MAP3K5: variants seen among roughly 807,000 people sequenced by gnomAD.
MAP3K5 encodes the protein ASK-1.
A neutral mutation model predicts 158.7 loss-of-function variants in MAP3K5; 56 were observed. That is an observed-to-expected ratio of 0.35 (90% confidence interval 0.28 to 0.44). The LOEUF is 0.44. MAP3K5 is among the 20% of genes least tolerant of loss of function. The probability of loss-of-function intolerance (pLI) is 1.00; values close to 1 mark genes in which losing one functional copy is unlikely to be tolerated. For synonymous variants in MAP3K5, 579 were observed against 601.7 expected, an observed-to-expected ratio of 0.96 and a Z score of 0.55; for missense variants, 1,294 against 1,674.8, an observed-to-expected ratio of 0.77 and a Z score of 3.97.
chr6:136,664,292 G>T (rs954627839), intron 8 of MAP3K5, among the ~76,000 whole-genome samples: 12 of 152,158 alleles, frequency 7.9e-5, no homozygotes, highest in African/African-American at 2.6e-4. Flanking sequence ...CATCCCCCCA[G>T]ATGGGACCAT....
At chr6:136,749,947 T>A (rs570224470) in intron 1 of MAP3K5, among the ~76,000 whole-genome samples, 88 of 152,216 alleles carry the variant, frequency 5.8e-4, no homozygotes, top group African/African-American at 2.0e-3. Flanking sequence ...AAATTCCTCC[T>A]CCTCCAACAT....
chr6:136,663,570 T>C (rs1390788483), intron 8 of MAP3K5, among the ~76,000 whole-genome samples: 1 of 151,950 alleles, frequency 6.6e-6, no homozygotes, highest in East Asian at 1.9e-4. Context: ...CAAGGAACAT[T>C]AATTGCATTT....
Position 136,567,652 on chromosome 6 carries a change from C to A in MAP3K5, c.3740G>T (p.Arg1247Met), listed in dbSNP as rs1355362957. 1 of 1,614,116 alleles carries A rather than the reference C, an allele frequency of 6.2e-7. No individual in the cohort carries two copies. Among genetic ancestry groups the A allele is most frequent in the South Asian group, 1.1e-5 (1 of 91,072 alleles). The change falls in exon 26 of 30, where the codon AGG becomes ATG. Residue 1247 changes from arginine (R) to methionine (M), a missense_variant. Physicochemically the swap from Arg to Met is moderately conservative, Grantham distance 91. This residue lies in a region of MAP3K5 where 199 missense variants were observed against 220.3 expected (regional missense o/e 0.90). Transcript: ENST00000359015. ...TTACCTATTGGTTTCTATTTTCATC[C>A]TTCCAAGCTGTACATTCAGTGACCG... ...AHRSLNVQLG[R>M]MKIETNRLLE...
intron 7 of MAP3K5, among the ~76,000 whole-genome samples, chr6:136,683,270 A>G (rs1780010578): frequency 6.6e-6 from 1 of 152,252 alleles, no homozygotes; most frequent in South Asian, 2.1e-4. Context: ...AGAAGCATGA[A>G]GGCATAAAGA....
rs1303117637 is a variant in MAP3K5 at position 136,614,297 on chromosome 6, T to C, written c.2151-11A>G. ...AGGGGCTGAGAGTATCTAAAAGACATGCAATTGTCAATGAGTTAATTATGT... is the reference window on the plus strand; with the variant it reads ...AGGGGCTGAGAGTATCTAAAAGACACGCAATTGTCAATGAGTTAATTATGT... On this transcript the variant is annotated splice_polypyrimidine_tract_variant and intron_variant, in intron 15 of 29. Transcript: ENST00000359015. The C allele has an allele frequency of 2.5e-6, 4 of 1,610,522 alleles. No homozygotes were observed. The highest frequency in any genetic ancestry group is 3.4e-5 in the Admixed American group (2 of 59,526).
In MAP3K5 at chr6:136,613,330, G is replaced by GTAATT; in HGVS notation, c.2279-79_2279-75dup. ...TTTAAAGTGTATTAATAATGTAACA[G>GTAATT]TAATTTAAGCTAACAGTCATTGGTT... is the stretch of plus-strand genomic sequence containing the variant. On this transcript the variant is annotated intron_variant, in intron 16 of 29. Transcript: ENST00000359015. The surrounding 1 kb of genome is among the most constrained non-coding windows in gnomAD (Gnocchi z 4.0). The GTAATT allele has an allele frequency of 7.4e-7, 1 of 1,343,600 alleles. No individual in the cohort carries two copies. The highest frequency in any genetic ancestry group is 1.4e-5 in the South Asian group (1 of 70,788). 83.2% of individuals were successfully genotyped at this position (1,343,600 alleles called of 1,614,324 possible).
chr6:136,648,715 C>T (rs1997703), intron 11 of MAP3K5, among the ~76,000 whole-genome samples: 39,589 of 152,016 alleles, frequency 0.26, 6,317 homozygotes, highest in African/African-American at 0.44. Flanking sequence ...ACTATAGCAC[C>T]GGGACTGGTG....
chr6:136,628,351 G>C (rs1244188949), intron 14 of MAP3K5, among the ~76,000 whole-genome samples: 1 of 151,794 alleles, frequency 6.6e-6, no homozygotes, highest in East Asian at 1.9e-4. Context: ...GGCCTCAACT[G>C]ATCCTGCTGC....
At position 136,596,144 on chromosome 6, in the gene MAP3K5, C is replaced by T. The variant is rs77247018; in HGVS notation, c.2879-3530G>A. Among the ~76,000 whole-genome samples, 354 of 152,196 alleles carry T rather than the reference C, an allele frequency of 2.3e-3. 1 individual carries two copies. The highest frequency in any genetic ancestry group is 7.9e-3 in the African/African-American group (330 of 41,510). ...GAAAGATAAAAAGACAGCATAGACC[C>T]GGCCCTTAAGAATGCCAATATTTAG... On this transcript the variant is annotated intron_variant, in intron 21 of 29. Transcript: ENST00000359015.
intron 3 of MAP3K5, among the ~76,000 whole-genome samples, chr6:136,704,178 C>A (rs1432123917): frequency 6.6e-6 from 1 of 152,140 alleles, no homozygotes; most frequent in East Asian, 1.9e-4. Flanking sequence ...TCAATCTCTT[C>A]AAGTAGAAAA....
intron 1 of MAP3K5, among the ~76,000 whole-genome samples, chr6:136,778,006 A>G (rs892104700): frequency 6.6e-6 from 1 of 152,256 alleles, no homozygotes; most frequent in African/African-American, 2.4e-5. Flanking sequence ...AAAGATTAAT[A>G]CAAAGGACTT....
chr6:136,602,412 T>G (rs1775918123), intron 19 of MAP3K5, among the ~76,000 whole-genome samples: 1 of 152,086 alleles, frequency 6.6e-6, no homozygotes, highest in African/African-American at 2.4e-5. Flanking sequence ...AAGCGAGTCT[T>G]TCACCTCAGC....
intron 18 of MAP3K5, among the ~76,000 whole-genome samples, chr6:136,610,623 T>C (rs1404184478): frequency 2.8e-5 from 4 of 140,694 alleles, no homozygotes; most frequent in African/African-American, 5.3e-5. Context: ...AAAATCTTGC[T>C]AGAGTTATTG....
intron 17 of MAP3K5, among the ~76,000 whole-genome samples, chr6:136,612,807 G>A (rs1317844970): frequency 6.6e-6 from 1 of 152,112 alleles, no homozygotes; most frequent in Non-Finnish European, 1.5e-5. Context: ...AGCTCCTCAG[G>A]ACCAGGGGCC....
Position 136,669,404 on chromosome 6 carries a change from A to C in MAP3K5, c.1254-9T>G. On this transcript the variant is annotated splice_polypyrimidine_tract_variant and intron_variant, in intron 7 of 29. Coordinates refer to ENST00000359015, the MANE Select transcript of MAP3K5 (RefSeq NM_005923.4). Reference sequence around the variant, plus strand: ...CAAATGCCTTTTTGAACCTATAAAAAACCACAAATGTACAAGTTAACTTTC... The same window carrying C: ...CAAATGCCTTTTTGAACCTATAAAACACCACAAATGTACAAGTTAACTTTC... 6.7e-7 allele frequency: 1 copy of C among 1,496,082 alleles called. No homozygotes were observed. Among genetic ancestry groups the C allele is most frequent in the Non-Finnish European group, 9.3e-7 (1 of 1,074,076 alleles). 92.7% of individuals were successfully genotyped at this position (1,496,082 alleles called of 1,614,324 possible).
chr6:136,757,443 A>C (rs1783541906), intron 1 of MAP3K5, among the ~76,000 whole-genome samples: 1 of 152,226 alleles, frequency 6.6e-6, no homozygotes, highest in Admixed American at 6.5e-5. Flanking sequence ...CTGTCTAGTC[A>C]GATAGCATCA....
intron 23 of MAP3K5, among the ~76,000 whole-genome samples, chr6:136,589,814 C>T (rs902072510): frequency 4.0e-4 from 61 of 152,140 alleles, no homozygotes; most frequent in Admixed American, 3.8e-3. Flanking sequence ...CCAAACCTGC[C>T]AACCCCTTGA....
chr6:136,583,649 A>G lies in MAP3K5; in HGVS notation c.3317T>C (p.Ile1106Thr), dbSNP rs1366578537. Residue 1106 changes from isoleucine (I) to threonine (T), a missense_variant, in exon 24 of 30, where the codon ATA (isoleucine) becomes ACA (threonine). Coordinates refer to ENST00000359015, the MANE Select transcript of MAP3K5 (RefSeq NM_005923.4). The stretch of plus-strand genomic sequence containing the variant: ...TTTCAGCTTTGACAGTGTGGTGGCT[A>G]TGATTTTTCGGTCAGTGGATCTCAC... ...EFVRSTDRKIIATTLSKLKLE... is the reference protein window; with the variant it reads ...EFVRSTDRKITATTLSKLKLE... 1.9e-6 allele frequency: 3 copies of G among 1,614,090 alleles called. No individual in the cohort carries two copies. Among genetic ancestry groups the G allele is most frequent in the Non-Finnish European group, 2.5e-6 (3 of 1,180,026 alleles).
chr6:136,621,260 A>T (rs1474057089), intron 15 of MAP3K5, among the ~76,000 whole-genome samples: 2 of 151,850 alleles, frequency 1.3e-5, no homozygotes, highest in Non-Finnish European at 2.9e-5. Context: ...ACTGTTTTTG[A>T]TCTCCAGCAT....
Sources: allele counts gnomAD v4.1 joint callset (sites outside exome capture counted in the v4.1 genomes callset), GRCh38; gene constraint gnomAD v4.1.1; regional missense constraint gnomAD v4.1.1; non-coding constraint Gnocchi (gnomAD v3.1); transcripts MANE v1.5; gene names NCBI Gene and HGNC (gene_info 2026-07-23, HGNC 2026-07-21).